RANBP2: variants seen among roughly 807,000 people sequenced by gnomAD.
RANBP2 encodes the protein E3 SUMO-protein ligase RanBP2.
A neutral mutation model predicts 303.6 loss-of-function variants in RANBP2; 57 were observed. That is an observed-to-expected ratio of 0.19 (90% CI 0.15 to 0.23). The LOEUF (loss-of-function observed/expected upper bound fraction) is 0.23, where lower values mean the gene tolerates loss of function less well. Ranked by LOEUF, RANBP2 falls within the 10% of genes least tolerant of loss-of-function variation. RANBP2 has a pLI of 1.00. For synonymous variants in RANBP2, 1,167 were observed against 1,301.5 expected (o/e 0.90, Z 2.23); for missense variants, 3,138 against 3,780.8 (o/e 0.83, Z 4.46).
In RANBP2 at chr2:108,785,720, C is replaced by T. The variant is rs1176483803; in HGVS notation, c.*1819C>T. 1 of 152,130 alleles carries T rather than the reference C, an allele frequency of 6.6e-6. No homozygotes were observed. Among genetic ancestry groups the T allele is most frequent in the Admixed American group, 6.5e-5 (1 of 15,278 alleles). 9.4% of individuals were successfully genotyped at this position (152,130 alleles called of 1,614,324 possible). The stretch of plus-strand genomic sequence containing the variant: ...ATTTAATCACTGATGTGGTCTAAAC[C>T]CACGATAATATGTATCTTTCCTTTT... On this transcript the variant is annotated 3_prime_UTR_variant, in exon 29 of 29. Transcript: ENST00000283195.
chr2:109,495,833 A>T, the RANBP2 span, among the ~76,000 whole-genome samples: 1 of 152,176 alleles, frequency 6.6e-6, no homozygotes, highest in Non-Finnish European at 1.5e-5. Context: ...CATACATAAA[A>T]TGGGGATAAT....
the RANBP2 span, among the ~76,000 whole-genome samples, chr2:109,774,592 G>T: frequency 2.7e-5 from 2 of 72,998 alleles, no homozygotes; most frequent in Non-Finnish European, 4.6e-5. Flanking sequence ...GGTACAGTGA[G>T]GTATATATGG....
chr2:109,494,717 A>G, the RANBP2 span, among the ~76,000 whole-genome samples: 1 of 151,654 alleles, frequency 6.6e-6, no homozygotes, highest in Non-Finnish European at 1.5e-5. Context: ...GCAGGGCAGT[A>G]TGGGCTGTCA....
the RANBP2 span, among the ~76,000 whole-genome samples, chr2:109,045,540 G>A: frequency 1.6e-3 from 248 of 152,182 alleles, 2 homozygotes; most frequent in East Asian, 5.8e-3. Flanking sequence ...AGCTAACAAC[G>A]ATCTGATATA....
At chr2:108,830,091 G>A in the RANBP2 span, among the ~76,000 whole-genome samples, 36 of 152,284 alleles carry the variant, frequency 2.4e-4, no homozygotes, top group Non-Finnish European at 4.4e-4. Context: ...ATTCAGGCAT[G>A]AAATTGACAC....
the RANBP2 span, among the ~76,000 whole-genome samples, chr2:109,247,680 C>A: frequency 1.3e-5 from 2 of 152,194 alleles, no homozygotes; most frequent in Admixed American, 1.3e-4. Flanking sequence ...TTTCTGATTG[C>A]CAGTGAAGGA....
the RANBP2 span, among the ~76,000 whole-genome samples, chr2:109,495,477 CTTTTTTTTTTTTTTTTTTTT>C: frequency 1.8e-3 from 170 of 94,272 alleles, 2 homozygotes; most frequent in Non-Finnish European, 2.5e-3. Context: ...TCTTTCATTC[CTTTTTTTTTTTTTTTTTTTT>C]TTTTTTTTTT....
the RANBP2 span, among the ~76,000 whole-genome samples, chr2:109,555,952 C>T: frequency 6.6e-6 from 1 of 152,346 alleles, no homozygotes; most frequent in East Asian, 1.9e-4. Flanking sequence ...CAAGCACTGC[C>T]ATGGCATTTA....
the RANBP2 span, among the ~76,000 whole-genome samples, chr2:108,974,329 C>CAAAAAAAAAAAAAAAAAAAAAAAA: frequency 1.6e-5 from 1 of 61,496 alleles, no homozygotes. Flanking sequence ...GGATCCGTCT[C>CAAAAAAAAAAAAAAAAAAAAAAAA]AAAAAAAAAA....
the RANBP2 span, among the ~76,000 whole-genome samples, chr2:109,368,049 G>A: frequency 3.3e-5 from 5 of 152,200 alleles, no homozygotes; most frequent in Admixed American, 1.3e-4. Flanking sequence ...TTGAATATTA[G>A]CCAGGTATGC....
intron 21 of RANBP2, among the ~76,000 whole-genome samples, chr2:108,772,174 C>G (rs992256505): frequency 1.4e-4 from 21 of 152,092 alleles, no homozygotes; most frequent in Non-Finnish European, 2.6e-4. Flanking sequence ...GGACAAGGTT[C>G]CAGTGGAAAA....
At chr2:109,249,514 T>C in the RANBP2 span, among the ~76,000 whole-genome samples, 14 of 42,938 alleles carry the variant, frequency 3.3e-4, no homozygotes, top group African/African-American at 1.4e-3. Flanking sequence ...TCTTTCATTC[T>C]TTCTTTTTCT....
chr2:108,893,974 A>G, the RANBP2 span, among the ~76,000 whole-genome samples: 1 of 151,770 alleles, frequency 6.6e-6, no homozygotes, highest in Non-Finnish European at 1.5e-5. Context: ...TCTTTCTTTT[A>G]GAGAGCCTCT....
the RANBP2 span, among the ~76,000 whole-genome samples, chr2:109,221,725 T>A: frequency 6.6e-6 from 1 of 152,014 alleles, no homozygotes; most frequent in Non-Finnish European, 1.5e-5. Context: ...ATTAAGGACG[T>A]GGAGAAAAGG....
chr2:109,178,120 C>T, the RANBP2 span, among the ~76,000 whole-genome samples: 3 of 152,198 alleles, frequency 2.0e-5, no homozygotes, highest in African/African-American at 7.2e-5. Context: ...CCATATCAAT[C>T]TGTGCTGCTA....
the RANBP2 span, among the ~76,000 whole-genome samples, chr2:108,994,232 T>C: frequency 2.4e-4 from 37 of 152,312 alleles, no homozygotes; most frequent in African/African-American, 8.4e-4. Context: ...AGGACCATAA[T>C]GAACCACCTC....
the RANBP2 span, among the ~76,000 whole-genome samples, chr2:109,489,160 T>C: frequency 6.6e-6 from 1 of 152,242 alleles, no homozygotes; most frequent in East Asian, 1.9e-4. Flanking sequence ...TTTCCCTCTC[T>C]ATTGCATAAG....
chr2:109,120,505 C>A, the RANBP2 span, among the ~76,000 whole-genome samples: 2 of 152,108 alleles, frequency 1.3e-5, no homozygotes, highest in Non-Finnish European at 2.9e-5. Context: ...CCCTCCACCC[C>A]CAGGGTATCA....
the RANBP2 span, among the ~76,000 whole-genome samples, chr2:109,024,460 T>TGTTG: frequency 1.3e-5 from 2 of 152,224 alleles, no homozygotes; most frequent in Non-Finnish European, 2.9e-5. Context: ...GAACAGAAGA[T>TGTTG]GTTGGGGTTG....
Sources: allele counts gnomAD v4.1 joint callset (sites outside exome capture counted in the v4.1 genomes callset), GRCh38; gene constraint gnomAD v4.1.1; transcripts MANE v1.5; gene names NCBI Gene and HGNC (gene_info 2026-07-23, HGNC 2026-07-21).